The following GALNTL6 variants were observed in gnomAD, a reference collection of about 807,000 sequenced individuals.
GALNTL6 encodes the protein polypeptide N-acetylgalactosaminyltransferase-like 6.
Under a neutral mutation model 73.7 loss-of-function variants are expected in GALNTL6, and 46 were observed. That is an observed-to-expected ratio of 0.62 (90% CI 0.49 to 0.80). GALNTL6 has a LOEUF of 0.80. Ranked by LOEUF, GALNTL6 falls within the 30% of genes least tolerant of loss-of-function variation. The probability of loss-of-function intolerance (pLI) is 0.00; values close to 1 mark genes in which losing one functional copy is unlikely to be tolerated. For missense variants in GALNTL6, 604 were observed against 755.0 expected (o/e 0.80, Z 2.34); for synonymous variants, 259 against 263.7 (o/e 0.98, Z 0.17).
At chr4:171,887,733 C>G (rs761165945) in intron 2 of GALNTL6, among the ~76,000 whole-genome samples, 1 of 152,076 alleles carries the variant, frequency 6.6e-6, no homozygotes, top group Non-Finnish European at 1.5e-5. Context: ...GTTGCTTTAT[C>G]TTGAAAGGTA....
chr4:172,532,289 A>G (rs1378748267), intron 5 of GALNTL6, among the ~76,000 whole-genome samples: 1 of 152,182 alleles, frequency 6.6e-6, no homozygotes, highest in African/African-American at 2.4e-5. Context: ...GACACACAGG[A>G]CAAATTCCAT....
intron 5 of GALNTL6, among the ~76,000 whole-genome samples, chr4:172,763,556 A>T (rs774203584): frequency 3.9e-5 from 6 of 152,214 alleles, no homozygotes; most frequent in African/African-American, 9.6e-5. Context: ...AACTAAGTAG[A>T]CGAATAATTA....
chr4:173,007,294 A>T (rs1752344530), intron 10 of GALNTL6, among the ~76,000 whole-genome samples: 1 of 152,264 alleles, frequency 6.6e-6, no homozygotes, highest in East Asian at 1.9e-4. Flanking sequence ...ACCTTGGTTA[A>T]ATCATCAGTT....
At chr4:172,617,734 G>T (rs1304776590) in intron 5 of GALNTL6, among the ~76,000 whole-genome samples, 1 of 152,054 alleles carries the variant, frequency 6.6e-6, no homozygotes, top group Non-Finnish European at 1.5e-5. Context: ...ACCCGCCTCG[G>T]CCTCCCTAAG....
intron 5 of GALNTL6, among the ~76,000 whole-genome samples, chr4:172,391,859 C>T (rs1743674028): frequency 6.6e-6 from 1 of 152,186 alleles, no homozygotes; most frequent in Non-Finnish European, 1.5e-5. Context: ...GAATTTCACT[C>T]TACAAAGCCT....
At chr4:172,742,412 T>C (rs2083138) in intron 5 of GALNTL6, among the ~76,000 whole-genome samples, 53,694 of 150,374 alleles carry the variant, frequency 0.36, 10,614 homozygotes, top group African/African-American at 0.52. Context: ...GTAAAGTACC[T>C]CTCTTCTTTG....
intron 8 of GALNTL6, among the ~76,000 whole-genome samples, chr4:172,887,536 TTTTATTTATTTATTTATTTA>T (rs56097389): frequency 5.6e-5 from 8 of 143,284 alleles, no homozygotes; most frequent in Non-Finnish European, 1.2e-4. Flanking sequence ...TATTTTAACC[TTTTATTTATTTATTTATTTA>T]TTTATTTATT....
At chr4:172,774,162 A>G (rs10034980) in intron 5 of GALNTL6, among the ~76,000 whole-genome samples, 78,952 of 152,108 alleles carry the variant, frequency 0.52, 21,351 homozygotes, top group East Asian at 0.78. Context: ...CTTTAGATAC[A>G]TTCCAGTGTT....
chr4:172,718,207 A>C (rs528045873), intron 5 of GALNTL6, among the ~76,000 whole-genome samples: 6 of 152,368 alleles, frequency 3.9e-5, no homozygotes, highest in Non-Finnish European at 8.8e-5. Context: ...CGTTATGATG[A>C]TTCATGACTT....
intron 4 of GALNTL6, among the ~76,000 whole-genome samples, chr4:172,324,719 G>A (rs1740885016): frequency 1.3e-5 from 2 of 150,904 alleles, no homozygotes; most frequent in Admixed American, 6.6e-5. Flanking sequence ...GTGGATTGAA[G>A]TAATAGAGTA....
At chr4:172,489,373 A>G (rs1733816477) in intron 5 of GALNTL6, among the ~76,000 whole-genome samples, 1 of 152,230 alleles carries the variant, frequency 6.6e-6, no homozygotes, top group Admixed American at 6.5e-5. Flanking sequence ...AAGCTTTCGA[A>G]CTTTAGAAAA....
chr4:171,814,693 A>G lies in GALNTL6; in HGVS notation c.113A>G (p.Lys38Arg). 1.2e-6 allele frequency: 2 copies of G among 1,614,120 alleles called. No homozygotes were observed. Among genetic ancestry groups the G allele is most frequent in the Non-Finnish European group, 1.7e-6 (2 of 1,180,032 alleles). The stretch of plus-strand genomic sequence containing the variant: ...CTGTACAAGGATAAGCACCTGGTGA[A>G]GTCAGCGGAGCCCGGGGAGCAGCAG... ...WSLYKDKHLV[K>R]SAEPGEQQTF... The change falls in exon 2 of 13, where the codon AAG becomes AGG. Residue 38 changes from lysine (K) to arginine (R), a missense_variant. This residue lies in a region of GALNTL6 where 141 missense variants were observed against 156.6 expected (regional missense o/e 0.90). Coordinates refer to ENST00000506823, the MANE Select transcript of GALNTL6 (RefSeq NM_001034845.3).
At chr4:172,710,818 G>C (rs954050548) in intron 5 of GALNTL6, among the ~76,000 whole-genome samples, 5 of 152,100 alleles carry the variant, frequency 3.3e-5, no homozygotes, top group East Asian at 1.9e-4. Context: ...TTCCCCAAAT[G>C]AGTGCTAGAA....
At chr4:171,913,298 C>T (rs1560838325) in intron 2 of GALNTL6, among the ~76,000 whole-genome samples, 1 of 152,090 alleles carries the variant, frequency 6.6e-6, no homozygotes, top group Non-Finnish European at 1.5e-5. Flanking sequence ...TATGGCTGGA[C>T]CTGATCAAGA....
At chr4:171,997,137 C>T (rs533846511) in intron 2 of GALNTL6, among the ~76,000 whole-genome samples, 54 of 152,206 alleles carry the variant, frequency 3.5e-4, no homozygotes, top group African/African-American at 1.3e-3. Flanking sequence ...TAAGTGTGCT[C>T]TTTGGAAAAC....
intron 2 of GALNTL6, among the ~76,000 whole-genome samples, chr4:172,138,617 C>T (rs1319158978): frequency 7.0e-6 from 1 of 141,906 alleles, no homozygotes; most frequent in Non-Finnish European, 1.5e-5. Flanking sequence ...GCCAGCTCCA[C>T]CTCCCGGGTT....
intron 2 of GALNTL6, among the ~76,000 whole-genome samples, chr4:171,868,126 G>A (rs993868598): frequency 1.3e-5 from 2 of 151,304 alleles, no homozygotes; most frequent in African/African-American, 2.4e-5. Flanking sequence ...AGCTGGGACT[G>A]CAGGTGTGTA....
chr4:172,731,676 C>CTATATATTGCTTATAT (rs768765123), intron 5 of GALNTL6, among the ~76,000 whole-genome samples: 74 of 152,050 alleles, frequency 4.9e-4, no homozygotes, highest in Non-Finnish European at 8.8e-4. Context: ...TTGATATAAG[C>CTATATATTGCTTATAT]ATTTATTGCT....
chr4:172,499,869 T>C (rs924940681), intron 5 of GALNTL6, among the ~76,000 whole-genome samples: 1 of 151,688 alleles, frequency 6.6e-6, no homozygotes, highest in Non-Finnish European at 1.5e-5. Context: ...ACAGAGAAAA[T>C]ACACTGAAAA....
Sources: gnomAD v4.1 joint callset for allele counts (sites outside exome capture counted in the v4.1 genomes callset) on GRCh38, gnomAD v4.1.1 for gene constraint, gnomAD v4.1.1 regional missense constraint, MANE v1.5 for transcripts, NCBI Gene and HGNC (gene_info 2026-07-23, HGNC 2026-07-21) for gene names.